PTCHD1: variants seen among roughly 807,000 people sequenced by gnomAD.
PTCHD1 encodes patched domain-containing protein 1.
PTCHD1 carries 3 observed loss-of-function variants against 34.6 expected under a neutral mutation model. The ratio of observed to expected loss-of-function variants is 0.09; its 90% CI spans 0.04 to 0.22. The LOEUF (loss-of-function observed/expected upper bound fraction) is 0.22, where lower values mean the gene tolerates loss of function less well. Ranked by LOEUF, PTCHD1 falls within the 10% of genes least tolerant of loss-of-function variation. PTCHD1 has a pLI of 1.00. For synonymous variants in PTCHD1, 305 were observed against 283.1 expected, an observed-to-expected ratio of 1.08 and a Z score of -0.77; for missense variants, 504 against 685.5, an observed-to-expected ratio of 0.74 and a Z score of 2.96.
At position 23,335,014 on chromosome X, in the gene PTCHD1, C is replaced by G; in HGVS notation, c.139C>G (p.Gln47Glu). 3 of 1,211,304 alleles carry G rather than the reference C, an allele frequency of 2.5e-6. No homozygotes were observed. The highest frequency in any genetic ancestry group is 1.1e-6 in the Non-Finnish European group (1 of 895,225). Residue 47 changes from glutamine to glutamate, a missense_variant, in exon 1 of 3, where the codon CAG (glutamine) becomes GAG (glutamate). Gln to Glu is a conservative substitution (Grantham distance 29). Coordinates refer to ENST00000379361, the MANE Select transcript of PTCHD1 (RefSeq NM_173495.3). ...ILLGASFSRYQVEESVEHLLA... is the reference protein window; with the variant it reads ...ILLGASFSRYEVEESVEHLLA... ...GCTCGGCGCCAGCTTCAGCCGCTAC[C>G]AGGTCGAGGAGAGCGTGGAGCACCT... is the stretch of plus-strand genomic sequence containing the variant.
intron 2 of PTCHD1, among the ~76,000 whole-genome samples, chrX:23,387,344 A>G (rs1017291932): frequency 9.0e-6 from 1 of 111,090 alleles, no homozygotes; most frequent in African/African-American, 3.3e-5. Context: ...TTAATCTCTG[A>G]GGGTGCTTGA....
At chrX:23,379,011 T>A (rs141192714) in intron 1 of PTCHD1, among the ~76,000 whole-genome samples, 5 of 112,092 alleles carry the variant, frequency 4.5e-5, no homozygotes, top group African/African-American at 1.6e-4. Context: ...ACCTCTTGTC[T>A]TATATGGTAG....
chrX:23,342,444 G>A (rs181738468), intron 1 of PTCHD1, among the ~76,000 whole-genome samples: 1 of 105,215 alleles, frequency 9.5e-6, no homozygotes, highest in African/African-American at 3.4e-5. Context: ...TGCCCTAAGG[G>A]TCTTATATTC....
intron 1 of PTCHD1, among the ~76,000 whole-genome samples, chrX:23,371,528 C>T (rs1290834545): frequency 9.0e-6 from 1 of 111,618 alleles, no homozygotes; most frequent in Non-Finnish European, 1.9e-5. Flanking sequence ...GTCATAGGTC[C>T]AGCCTGCTTA....
At chrX:23,337,380 A>T (rs5926289) in intron 1 of PTCHD1, among the ~76,000 whole-genome samples, 51,625 of 110,885 alleles carry the variant, frequency 0.47, 11,070 homozygotes, top group African/African-American at 0.82. Flanking sequence ...AACCAAGGAA[A>T]TAACTGTCTT....
intron 1 of PTCHD1, among the ~76,000 whole-genome samples, chrX:23,344,667 ATGGG>A (rs751935710): frequency 9.0e-6 from 1 of 111,677 alleles, no homozygotes; most frequent in East Asian, 2.8e-4. Context: ...GCGGATGGGG[ATGGG>A]TGCATTGCAT....
intron 2 of PTCHD1, among the ~76,000 whole-genome samples, chrX:23,390,674 T>G (rs765164956): frequency 4.5e-5 from 5 of 111,882 alleles, no homozygotes; most frequent in African/African-American, 1.6e-4. Flanking sequence ...CCTAGTCAAT[T>G]AAGATAAATG....
At chrX:23,354,880 AT>A (rs112001315) in intron 1 of PTCHD1, among the ~76,000 whole-genome samples, 8,629 of 107,772 alleles carry the variant, frequency 0.08, 293 homozygotes, top group Non-Finnish European at 0.11. Context: ...CAAAATTCTT[AT>A]TTTTTTTTAA....
At chrX:23,388,094 T>C (rs932612982) in intron 2 of PTCHD1, among the ~76,000 whole-genome samples, 1 of 111,002 alleles carries the variant, frequency 9.0e-6, no homozygotes, top group African/African-American at 3.3e-5. Flanking sequence ...GGTCTCAGGC[T>C]GCGACCTGGC....
chrX:23,400,724 A>G lies in PTCHD1; in HGVS notation c.*6539A>G, dbSNP rs1245781706. On this transcript the variant is annotated 3_prime_UTR_variant, in exon 3 of 3. Coordinates refer to ENST00000379361, the MANE Select transcript of PTCHD1 (RefSeq NM_173495.3). ...TGCATGAAGCACAAAGGACACACCA[A>G]TGGCTGATCAGTGGCCCTTCCATCA... 1 of 112,288 alleles carries G rather than the reference A, an allele frequency of 8.9e-6. No homozygotes were observed. Among genetic ancestry groups the G allele is most frequent in the Middle Eastern group, 4.2e-3 (1 of 239 alleles). The allele number at this position is 112,288 out of a possible 1,213,427, so 9.3% of individuals were successfully genotyped here.
chrX:23,369,793 G>A (rs1922232288), intron 1 of PTCHD1, among the ~76,000 whole-genome samples: 1 of 111,364 alleles, frequency 9.0e-6, no homozygotes, highest in African/African-American at 3.3e-5. Flanking sequence ...TTCAAACTTG[G>A]AGCTTATACT....
chrX:23,394,450 A>ACACACACACACACC lies in PTCHD1; in HGVS notation c.*266_*267insACACACACACACCC, dbSNP rs1254605131. ...CACACACACACACACACACACACAC[A>ACACACACACACACC]CCCTGGGAGACCTATAGTCTCTTAA... is the stretch of plus-strand genomic sequence containing the variant. On this transcript the variant is annotated 3_prime_UTR_variant, in exon 3 of 3. Coordinates refer to ENST00000379361, the MANE Select transcript of PTCHD1 (RefSeq NM_173495.3). 2.5e-4 allele frequency: 72 copies of ACACACACACACACC among 291,814 alleles called. No homozygotes were observed. Among genetic ancestry groups the ACACACACACACACC allele is most frequent in the Non-Finnish European group, 3.6e-4 (62 of 170,798 alleles). 24.0% of individuals were successfully genotyped at this position (291,814 alleles called of 1,213,427 possible). A position where few individuals can be genotyped will look rare whatever the true frequency, so the allele number is the denominator to read the frequency against.
chrX:23,368,721 T>G (rs1691454463), intron 1 of PTCHD1, among the ~76,000 whole-genome samples: 2 of 112,268 alleles, frequency 1.8e-5, no homozygotes, highest in Non-Finnish European at 3.8e-5. Flanking sequence ...AGTTTTGTTT[T>G]GTTTTTTTCT....
At position 23,335,362 on chromosome X, in the gene PTCHD1, G is replaced by A. The variant is rs1307545020; in HGVS notation, c.351+136G>A. On this transcript the variant is annotated intron_variant, in intron 1 of 2. Transcript: ENST00000379361. ...CCGCAGGGACTCTCCTGCACCGCGC[G>A]CCCCAGGGCGGCCGACTGGAGCCTC... The A allele has an allele frequency of 1.1e-5, 6 of 525,381 alleles. No homozygotes were observed. In the African/African-American group the frequency reaches 1.4e-4, roughly 12 times the overall value. 43.3% of individuals were successfully genotyped at this position (525,381 alleles called of 1,213,427 possible).
At chrX:23,374,134 G>A (rs1417745154) in intron 1 of PTCHD1, among the ~76,000 whole-genome samples, 1 of 109,812 alleles carries the variant, frequency 9.1e-6, no homozygotes, top group East Asian at 2.9e-4. Flanking sequence ...GCTGCGACAT[G>A]GGGAACCCAT....
At position 23,399,627 on chromosome X, in the gene PTCHD1, CCCAAG is replaced by C. The variant is rs1923071945; in HGVS notation, c.*5448_*5452del. 8.9e-6 allele frequency: 1 copy of C among 112,295 alleles called. No individual in the cohort carries two copies. The highest frequency in any genetic ancestry group is 3.2e-5 in the African/African-American group (1 of 30,939). The allele number at this position is 112,295 out of a possible 1,213,427, so 9.3% of individuals were successfully genotyped here. A position where few individuals can be genotyped will look rare whatever the true frequency, so the allele number is the denominator to read the frequency against. ...TGCTTCAAAATATTGGTTTCTTCAT[CCCAAG>C]CCAAGTGCCTACTTCTATTCATTTA... On this transcript the variant is annotated 3_prime_UTR_variant, in exon 3 of 3. Transcript: ENST00000379361.
intron 2 of PTCHD1, among the ~76,000 whole-genome samples, chrX:23,388,786 G>C (rs933190611): frequency 9.0e-6 from 1 of 110,926 alleles, no homozygotes; most frequent in Non-Finnish European, 1.9e-5. Flanking sequence ...AGCAGAGATT[G>C]TGCCACTGCA....
rs1275805837 is a variant in PTCHD1 at position 23,395,538 on chromosome X, G to A, written c.*1353G>A. The A allele has an allele frequency of 9.0e-6, 1 of 111,322 alleles. No homozygotes were observed. Among genetic ancestry groups the A allele is most frequent in the Non-Finnish European group, 1.9e-5 (1 of 53,053 alleles). 9.2% of individuals were successfully genotyped at this position (111,322 alleles called of 1,213,427 possible). ...CCCACACCTTTTTTGATGTCCTTCT[G>A]CGTCATCATAGCAAGGCCCTTCTGT... On this transcript the variant is annotated 3_prime_UTR_variant, in exon 3 of 3. Coordinates refer to ENST00000379361, the MANE Select transcript of PTCHD1 (RefSeq NM_173495.3).
chrX:23,354,326 C>G (rs746164011), intron 1 of PTCHD1, among the ~76,000 whole-genome samples: 42 of 108,217 alleles, frequency 3.9e-4, no homozygotes, highest in African/African-American at 1.3e-3. Context: ...AGCCATAATC[C>G]TTGCACCTTA....
Sources: allele counts gnomAD v4.1 joint callset (sites outside exome capture counted in the v4.1 genomes callset), GRCh38; gene constraint gnomAD v4.1.1; transcripts MANE v1.5; gene names NCBI Gene and HGNC (gene_info 2026-07-23, HGNC 2026-07-21).